The following ENTREP2 variants were observed in gnomAD, a reference collection of about 807,000 sequenced individuals.
ENTREP2 encodes protein ENTREP2.
the ENTREP2 span, among the ~76,000 whole-genome samples, chr15:29,580,742 G>C: frequency 6.6e-6 from 1 of 152,198 alleles, no homozygotes; most frequent in African/African-American, 2.4e-5. Context: ...ATAAGGCAAA[G>C]AGGTTAGGCT....
At chr15:29,602,381 T>C in the ENTREP2 span, among the ~76,000 whole-genome samples, 1 of 152,178 alleles carries the variant, frequency 6.6e-6, no homozygotes, top group Non-Finnish European at 1.5e-5. Flanking sequence ...CTGGAACTAA[T>C]TGAGTATGAT....
At chr15:29,444,190 G>GAA in the ENTREP2 span, among the ~76,000 whole-genome samples, 6 of 92,268 alleles carry the variant, frequency 6.5e-5, no homozygotes, top group African/African-American at 2.4e-4. Flanking sequence ...AAGAAAGAAA[G>GAA]AAAGAAAGAA....
the ENTREP2 span, among the ~76,000 whole-genome samples, chr15:29,205,603 G>C: frequency 2.6e-5 from 4 of 152,156 alleles, no homozygotes; most frequent in South Asian, 6.2e-4. Flanking sequence ...GTGCTTACTG[G>C]CCATTTGTAT....
chr15:29,663,295 G>A, the ENTREP2 span, among the ~76,000 whole-genome samples: 34 of 152,040 alleles, frequency 2.2e-4, no homozygotes, highest in African/African-American at 4.6e-4. Flanking sequence ...CAAGGCGGGC[G>A]GATCACCTGA....
chr15:29,207,410 G>A, the ENTREP2 span, among the ~76,000 whole-genome samples: 1 of 130,450 alleles, frequency 7.7e-6, no homozygotes, highest in African/African-American at 2.8e-5. Context: ...CAAGAGAACA[G>A]ATCTTCCACC....
chr15:29,544,974 G>A, the ENTREP2 span, among the ~76,000 whole-genome samples: 1,512 of 152,264 alleles, frequency 9.9e-3, 12 homozygotes, highest in South Asian at 0.022. Context: ...GAATTGTCCC[G>A]TAAATGCCTC....
chr15:29,651,535 C>G, the ENTREP2 span, among the ~76,000 whole-genome samples: 31 of 152,176 alleles, frequency 2.0e-4, 1 homozygote, highest in African/African-American at 7.5e-4. Context: ...CCCTCCCAGG[C>G]GCAAGACCCG....
At chr15:29,292,661 ATG>A in the ENTREP2 span, among the ~76,000 whole-genome samples, 2 of 152,336 alleles carry the variant, frequency 1.3e-5, no homozygotes, top group African/African-American at 4.8e-5. Flanking sequence ...GATTACAAGC[ATG>A]AGCCACTGCG....
chr15:29,180,239 A>G, the ENTREP2 span, among the ~76,000 whole-genome samples: 3 of 152,206 alleles, frequency 2.0e-5, no homozygotes, highest in Non-Finnish European at 2.9e-5. Flanking sequence ...CCTCAAAAAG[A>G]TATGTATGAC....
the ENTREP2 span, among the ~76,000 whole-genome samples, chr15:29,600,994 T>TTCA: frequency 6.8e-6 from 1 of 147,100 alleles, no homozygotes; most frequent in Non-Finnish European, 1.5e-5. Context: ...GCCTCCCGGG[T>TTCA]TCACGCCATT....
the ENTREP2 span, among the ~76,000 whole-genome samples, chr15:29,175,015 C>G: frequency 6.6e-6 from 1 of 152,158 alleles, no homozygotes; most frequent in African/African-American, 2.4e-5. Flanking sequence ...TTTGGTAGTT[C>G]AGACAGTAAT....
At chr15:29,451,818 C>T in the ENTREP2 span, among the ~76,000 whole-genome samples, 1 of 152,234 alleles carries the variant, frequency 6.6e-6, no homozygotes, top group South Asian at 2.1e-4. Flanking sequence ...GCAAGCCTAG[C>T]TTGGAGGCAA....
At chr15:29,216,772 T>C in the ENTREP2 span, among the ~76,000 whole-genome samples, 2 of 152,286 alleles carry the variant, frequency 1.3e-5, no homozygotes, top group East Asian at 3.9e-4. Context: ...AATGTAGACA[T>C]TTTATAAAAC....
At chr15:29,263,101 A>G in the ENTREP2 span, among the ~76,000 whole-genome samples, 7 of 152,258 alleles carry the variant, frequency 4.6e-5, no homozygotes, top group Non-Finnish European at 1.0e-4. Context: ...TAATTATATC[A>G]GAAAATATAT....
At chr15:29,357,612 C>T in the ENTREP2 span, among the ~76,000 whole-genome samples, 136 of 152,018 alleles carry the variant, frequency 8.9e-4, no homozygotes, top group Admixed American at 1.7e-3. Context: ...CCGAGGCGGG[C>T]AGATCACAAG....
the ENTREP2 span, among the ~76,000 whole-genome samples, chr15:29,563,384 T>C: frequency 6.6e-6 from 1 of 152,218 alleles, no homozygotes; most frequent in Non-Finnish European, 1.5e-5. Flanking sequence ...TCTATTTTTA[T>C]TTCTGTGCTT....
the ENTREP2 span, among the ~76,000 whole-genome samples, chr15:29,307,212 T>A: frequency 2.0e-5 from 3 of 152,188 alleles, no homozygotes; most frequent in South Asian, 4.1e-4. Context: ...ACAAAAAAAA[T>A]TGACAATTAT....
the ENTREP2 span, among the ~76,000 whole-genome samples, chr15:29,529,940 C>T: frequency 6.6e-6 from 1 of 152,100 alleles, no homozygotes; most frequent in Admixed American, 6.6e-5. Flanking sequence ...ACAAACAGAG[C>T]TAAAATGAAG....
At chr15:29,656,750 G>C in the ENTREP2 span, among the ~76,000 whole-genome samples, 1 of 152,222 alleles carries the variant, frequency 6.6e-6, no homozygotes, top group East Asian at 1.9e-4. Context: ...TATCTTGCTT[G>C]AAAGAAAGCA....
Sources: gnomAD v4.1 joint callset for allele counts (sites outside exome capture counted in the v4.1 genomes callset) on GRCh38, gnomAD v4.1.1 for gene constraint, MANE v1.5 for transcripts, NCBI Gene and HGNC (gene_info 2026-07-23, HGNC 2026-07-21) for gene names.